Variants in NRXN1 observed in about 807,000 individuals in gnomAD.
The protein encoded by NRXN1 is neurexin-1.
NRXN1 carries 39 observed loss-of-function variants against 150.9 expected under a neutral mutation model. The ratio of observed to expected loss-of-function variants is 0.26; its 90% CI spans 0.20 to 0.34. The LOEUF is 0.34. NRXN1 is among the 10% of genes least tolerant of loss of function. The probability of loss-of-function intolerance (pLI) is 1.00; values close to 1 mark genes in which losing one functional copy is unlikely to be tolerated. For synonymous variants in NRXN1, 924 were observed against 757.0 expected, an observed-to-expected ratio of 1.22 and a Z score of -3.62; for missense variants, 1,815 against 1,949.9, an observed-to-expected ratio of 0.93 and a Z score of 1.30.
rs920865724 is a variant in NRXN1 at position 50,805,079 on chromosome 2, TAAGTG to T, written c.832+116785_832+116789del. Among the ~76,000 whole-genome samples, 31 of 152,260 alleles carry T rather than the reference TAAGTG, an allele frequency of 2.0e-4. No individual in the cohort carries two copies. In the East Asian group the frequency reaches 2.7e-3, roughly 13 times the overall value. On this transcript the variant is annotated intron_variant, in intron 5 of 22. Transcript: ENST00000401669. ...CTATCCCAGCACTTACTGTGGGAAT[TAAGTG>T]AAGTGATTAGAACAATGCCTGCCAC...
chr2:50,491,171 G>A (rs1014427186), intron 15 of NRXN1, among the ~76,000 whole-genome samples: 4 of 152,144 alleles, frequency 2.6e-5, no homozygotes, highest in Admixed American at 2.0e-4. Flanking sequence ...GCCTGGGCAT[G>A]TTTAAATGTG....
chr2:51,002,558 T>C (rs1266428718), intron 2 of NRXN1, among the ~76,000 whole-genome samples: 1 of 151,932 alleles, frequency 6.6e-6, no homozygotes, highest in Non-Finnish European at 1.5e-5. Context: ...ATAAAGAGCT[T>C]AGTTATGAGT....
In NRXN1 at chr2:50,672,878, C is replaced by A. The variant is rs1450686185; in HGVS notation, c.833-49263G>T. 2.0e-5 allele frequency among the ~76,000 whole-genome samples: 3 copies of A among 152,046 alleles called. No individual in the cohort carries two copies. The South Asian group carries it at 6.2e-4, about 31-fold the overall frequency. ...ATTAAATCAAACATGCTTTTGTGTGCACCACTATGCATTTATAATTCAAAC... is the reference window on the plus strand; with the variant it reads ...ATTAAATCAAACATGCTTTTGTGTGAACCACTATGCATTTATAATTCAAAC... On this transcript the variant is annotated intron_variant, in intron 5 of 22. Transcript: ENST00000401669.
chr2:50,022,344 C>G (rs1573460339), intron 21 of NRXN1, among the ~76,000 whole-genome samples: 1 of 152,144 alleles, frequency 6.6e-6, no homozygotes, highest in Admixed American at 6.5e-5. Flanking sequence ...TGGATATTAA[C>G]TTCTAGAATT....
At chr2:50,396,128 C>A (rs2082037495) in intron 17 of NRXN1, among the ~76,000 whole-genome samples, 1 of 152,054 alleles carries the variant, frequency 6.6e-6, no homozygotes, top group Non-Finnish European at 1.5e-5. Context: ...TGGCTGCTAC[C>A]CAACACCTGA....
intron 5 of NRXN1, among the ~76,000 whole-genome samples, chr2:50,681,820 T>G (rs1179749679): frequency 2.0e-5 from 3 of 152,204 alleles, no homozygotes; most frequent in Admixed American, 6.5e-5. Flanking sequence ...TATACAAATT[T>G]GACTTATTAG....
rs981069907 is a variant in NRXN1, at chr2:50,242,747, T to G, written c.3365-5777A>C. ...AGAAAAAGAAAATATGGACTATATA[T>G]CATAAATTAAGACTTCTGGTGGGAG... On this transcript the variant is annotated intron_variant, in intron 17 of 22. Transcript: ENST00000401669. 2.0e-5 allele frequency among the ~76,000 whole-genome samples: 3 copies of G among 151,682 alleles called. No individual in the cohort carries two copies. The Admixed American group carries it at 2.0e-4, about 10-fold the overall frequency.
intron 8 of NRXN1, among the ~76,000 whole-genome samples, chr2:50,577,218 G>T (rs558291902): frequency 6.6e-6 from 1 of 152,100 alleles, no homozygotes; most frequent in South Asian, 2.1e-4. Context: ...GGACGTAAAA[G>T]ATTAAATTAG....
chr2:50,770,716 C>T lies in NRXN1; in HGVS notation c.833-147101G>A, dbSNP rs147699987. ...CTATTTTTCAAACACTTTTTTGAGG[C>T]ATGATTCATGAGTCCATTCTTCATA... On this transcript the variant is annotated intron_variant, in intron 5 of 22. Transcript: ENST00000401669. 1.5e-3 allele frequency among the ~76,000 whole-genome samples: 227 copies of T among 151,966 alleles called. 1 individual carries two copies. The highest frequency in any genetic ancestry group is 5.4e-3 in the African/African-American group (223 of 41,490).
At chr2:50,057,533 GAT>G (rs1693840370) in intron 19 of NRXN1, among the ~76,000 whole-genome samples, 1 of 152,142 alleles carries the variant, frequency 6.6e-6, no homozygotes, top group Admixed American at 6.6e-5. Flanking sequence ...TGGCAAATTT[GAT>G]AGTTTGCCTT....
At chr2:50,140,910 A>G (rs1707179734) in intron 18 of NRXN1, among the ~76,000 whole-genome samples, 1 of 152,136 alleles carries the variant, frequency 6.6e-6, no homozygotes, top group African/African-American at 2.4e-5. Context: ...GTGTGTGTAT[A>G]TATATATATA....
intron 19 of NRXN1, among the ~76,000 whole-genome samples, chr2:50,062,868 G>A (rs1185417752): frequency 6.6e-6 from 1 of 152,088 alleles, no homozygotes; most frequent in East Asian, 1.9e-4. Context: ...GAAAAACAAT[G>A]CTATGAACCA....
At chr2:50,611,321 C>G (rs191199775) in intron 8 of NRXN1, among the ~76,000 whole-genome samples, 8 of 152,174 alleles carry the variant, frequency 5.3e-5, no homozygotes, top group Admixed American at 1.3e-4. Context: ...ATTCATTATG[C>G]CAACTGCTGA....
chr2:50,368,354 A>C (rs1210433500), intron 17 of NRXN1, among the ~76,000 whole-genome samples: 1 of 152,030 alleles, frequency 6.6e-6, no homozygotes, highest in Non-Finnish European at 1.5e-5. Context: ...AAGAATTGAG[A>C]AAATAGCATA....
intron 17 of NRXN1, chr2:50,463,928 C>T (rs868389359): frequency 6.6e-6 from 1 of 151,538 alleles, no homozygotes; most frequent in African/African-American, 2.4e-5. Flanking sequence ...ATAATAAAAT[C>T]TTAACAAGTA....
intron 17 of NRXN1, among the ~76,000 whole-genome samples, chr2:50,440,593 A>G (rs1286078975): frequency 1.3e-5 from 2 of 152,144 alleles, no homozygotes; most frequent in Non-Finnish European, 1.5e-5. Context: ...ATAATTTTAT[A>G]TAAGGTGGCA....
intron 17 of NRXN1, among the ~76,000 whole-genome samples, chr2:50,383,733 C>G (rs1256437415): frequency 6.6e-6 from 1 of 152,136 alleles, no homozygotes; most frequent in Non-Finnish European, 1.5e-5. Context: ...TACATTGCTT[C>G]TCTCCATAAC....
At chr2:50,265,231 G>A (rs995985573) in intron 17 of NRXN1, among the ~76,000 whole-genome samples, 1 of 151,946 alleles carries the variant, frequency 6.6e-6, no homozygotes, top group Non-Finnish European at 1.5e-5. Context: ...AAAAAGTCTT[G>A]GGCAAGGACA....
At chr2:50,373,719 AAGACAGAC>A (rs72340754) in intron 17 of NRXN1, among the ~76,000 whole-genome samples, 27 of 148,032 alleles carry the variant, frequency 1.8e-4, no homozygotes, top group Non-Finnish European at 2.9e-4. Flanking sequence ...AAGAGAAAGA[AAGACAGAC>A]AGACTAGTCA....
Sources: allele counts gnomAD v4.1 joint callset (sites outside exome capture counted in the v4.1 genomes callset), GRCh38; gene constraint gnomAD v4.1.1; transcripts MANE v1.5; gene names NCBI Gene and HGNC (gene_info 2026-07-23, HGNC 2026-07-21).